OPCML: variants seen among roughly 807,000 people sequenced by gnomAD.
OPCML encodes the protein opioid binding protein/cell adhesion molecule like.
OPCML carries 13 observed loss-of-function variants against 37.8 expected under a neutral mutation model. The ratio of observed to expected loss-of-function variants is 0.34; its 90% CI spans 0.22 to 0.55. The LOEUF (loss-of-function observed/expected upper bound fraction) is 0.55. Ranked by LOEUF, OPCML falls within the 20% of genes least tolerant of loss-of-function variation. OPCML has a pLI of 0.91. For synonymous variants in OPCML, 176 were observed against 168.8 expected, an observed-to-expected ratio of 1.04 and a Z score of -0.33; for missense variants, 341 against 435.6, an observed-to-expected ratio of 0.78 and a Z score of 1.93.
chr11:132,658,266 A>C (rs1258910587), intron 2 of OPCML, among the ~76,000 whole-genome samples: 1 of 152,224 alleles, frequency 6.6e-6, no homozygotes, highest in African/African-American at 2.4e-5. Context: ...ACTCTTGCCA[A>C]TGTCCTGGCA....
chr11:133,094,685 G>A (rs1384214547), intron 1 of OPCML, among the ~76,000 whole-genome samples: 5 of 152,134 alleles, frequency 3.3e-5, no homozygotes, highest in Non-Finnish European at 7.4e-5. Flanking sequence ...CAAATAGCAA[G>A]AGAGAGAAAA....
At chr11:132,989,126 C>T (rs1946729822) in intron 1 of OPCML, among the ~76,000 whole-genome samples, 1 of 152,158 alleles carries the variant, frequency 6.6e-6, no homozygotes, top group Non-Finnish European at 1.5e-5. Flanking sequence ...TTTGGCAACA[C>T]CTTCCATATT....
chr11:133,453,412 G>A (rs1053047965), intron 1 of OPCML, among the ~76,000 whole-genome samples: 1 of 152,130 alleles, frequency 6.6e-6, no homozygotes, highest in African/African-American at 2.4e-5. Flanking sequence ...AAAAGCATTT[G>A]TAATTTATTG....
At chr11:133,113,367 A>G (rs1565454074) in intron 1 of OPCML, among the ~76,000 whole-genome samples, 1 of 152,222 alleles carries the variant, frequency 6.6e-6, no homozygotes, top group Non-Finnish European at 1.5e-5. Context: ...ATTTACCTAG[A>G]GCATGATTTT....
chr11:132,524,203 T>C (rs961783851), intron 4 of OPCML, among the ~76,000 whole-genome samples: 1 of 152,230 alleles, frequency 6.6e-6, no homozygotes, highest in Non-Finnish European at 1.5e-5. Context: ...TGCCAGTTTA[T>C]GCTGGCCCAG....
At chr11:133,383,351 C>G (rs923151151) in intron 1 of OPCML, among the ~76,000 whole-genome samples, 1 of 152,168 alleles carries the variant, frequency 6.6e-6, no homozygotes, top group African/African-American at 2.4e-5. Flanking sequence ...GGAATCTGAT[C>G]ACATCGTTGT....
chr11:132,486,604 G>T (rs1414128359), intron 4 of OPCML, among the ~76,000 whole-genome samples: 1 of 151,304 alleles, frequency 6.6e-6, no homozygotes, highest in Non-Finnish European at 1.5e-5. Flanking sequence ...TTAAGCCATT[G>T]TCTCATAAAT....
At chr11:132,447,393 G>A (rs1419955770) in intron 4 of OPCML, among the ~76,000 whole-genome samples, 1 of 152,144 alleles carries the variant, frequency 6.6e-6, no homozygotes, top group Non-Finnish European at 1.5e-5. Context: ...CCACATCCTG[G>A]GTTCAAGCAA....
chr11:133,202,195 G>A (rs1170543941), intron 1 of OPCML, among the ~76,000 whole-genome samples: 2 of 152,158 alleles, frequency 1.3e-5, no homozygotes, highest in Admixed American at 6.5e-5. Context: ...ATGCCCAGAG[G>A]AGGTCAGCCA....
Position 132,447,282 on chromosome 11 carries a change from C to T in OPCML, c.506-9923G>A, listed in dbSNP as rs114353446. On this transcript the variant is annotated intron_variant, in intron 4 of 7. Transcript: ENST00000524381. ...GTTTTCCTGGGATAGTGCCAGTTGA[C>T]ACCTGTCTTCCCAATGTACTTTGTT... Among the ~76,000 whole-genome samples the T allele has an allele frequency of 5.0e-3, 765 of 152,200 alleles. 6 individuals carry two copies. Among genetic ancestry groups the T allele is most frequent in the African/African-American group, 0.018 (736 of 41,530 alleles).
intron 7 of OPCML, among the ~76,000 whole-genome samples, chr11:132,422,585 C>A (rs563578526): frequency 1.3e-5 from 2 of 152,236 alleles, no homozygotes; most frequent in Admixed American, 6.5e-5. Context: ...GTGCTCTCCA[C>A]GTGGCAAGCA....
intron 1 of OPCML, among the ~76,000 whole-genome samples, chr11:133,013,827 A>G (rs1947266525): frequency 6.6e-6 from 1 of 152,180 alleles, no homozygotes; most frequent in African/African-American, 2.4e-5. Context: ...ATCAATTCCA[A>G]TTCTCACCTG....
At chr11:133,100,767 A>G (rs528653816) in intron 1 of OPCML, among the ~76,000 whole-genome samples, 1 of 152,370 alleles carries the variant, frequency 6.6e-6, no homozygotes, top group East Asian at 1.9e-4. Context: ...CACATATTAC[A>G]AAAATGAATG....
intron 1 of OPCML, among the ~76,000 whole-genome samples, chr11:133,283,951 C>A (rs938356631): frequency 1.3e-5 from 2 of 152,150 alleles, no homozygotes; most frequent in African/African-American, 2.4e-5. Flanking sequence ...TCGCTTCCCC[C>A]CCCAGTACCT....
intron 1 of OPCML, among the ~76,000 whole-genome samples, chr11:133,505,878 C>A (rs911478760): frequency 6.6e-6 from 1 of 152,178 alleles, no homozygotes; most frequent in Non-Finnish European, 1.5e-5. Context: ...CCCGGCCGAC[C>A]TTCCTCATCA....
intron 1 of OPCML, among the ~76,000 whole-genome samples, chr11:132,951,379 C>G (rs942798664): frequency 7.9e-5 from 12 of 152,186 alleles, no homozygotes; most frequent in African/African-American, 2.9e-4. Flanking sequence ...CCTTCTCGCT[C>G]TGTGCTCACG....
intron 2 of OPCML, among the ~76,000 whole-genome samples, chr11:132,743,134 T>C (rs939844003): frequency 6.6e-6 from 1 of 152,208 alleles, no homozygotes; most frequent in Admixed American, 6.5e-5. Flanking sequence ...TGCTCGTGAA[T>C]GGACTTCCTC....
intron 2 of OPCML, among the ~76,000 whole-genome samples, chr11:132,692,553 C>A (rs1565780221): frequency 6.6e-6 from 1 of 152,176 alleles, no homozygotes; most frequent in Non-Finnish European, 1.5e-5. Flanking sequence ...CAATCACTTG[C>A]TGGAAAATTA....
chr11:132,719,855 T>C (rs1368095997), intron 2 of OPCML, among the ~76,000 whole-genome samples: 1 of 152,166 alleles, frequency 6.6e-6, no homozygotes, highest in Non-Finnish European at 1.5e-5. Context: ...GAGCTCCGAG[T>C]GCAAGTTTCA....
Sources: allele counts gnomAD v4.1 joint callset (sites outside exome capture counted in the v4.1 genomes callset), GRCh38; gene constraint gnomAD v4.1.1; transcripts MANE v1.5; gene names NCBI Gene and HGNC (gene_info 2026-07-23, HGNC 2026-07-21).